The following DPH6 variants were observed in gnomAD, a reference collection of about 807,000 sequenced individuals.
DPH6 encodes the protein diphthine--ammonia ligase.
In DPH6, 33 loss-of-function variants were observed where a neutral mutation model predicts 38.2. That is an observed-to-expected ratio of 0.86 (90% CI 0.65 to 1.15). The LOEUF is 1.15. DPH6 is among the 50% of genes most tolerant of loss of function. The pLI, the probability that DPH6 is intolerant of heterozygous loss-of-function variation, is 0.00. For missense variants in DPH6, 325 were observed against 320.0 expected, an observed-to-expected ratio of 1.02 and a Z score of -0.12; for synonymous variants, 108 against 103.0, an observed-to-expected ratio of 1.05 and a Z score of -0.30.
At chr15:35,207,267 CG>C in the DPH6 span, among the ~76,000 whole-genome samples, 1 of 151,504 alleles carries the variant, frequency 6.6e-6, no homozygotes, top group Non-Finnish European at 1.5e-5. Flanking sequence ...GGGCTGGTCC[CG>C]AACTCCTGGG....
intron 3 of DPH6, among the ~76,000 whole-genome samples, chr15:35,504,680 T>A (rs887899216): frequency 6.6e-6 from 1 of 152,114 alleles, no homozygotes; most frequent in Non-Finnish European, 1.5e-5. Context: ...AAAATCAATA[T>A]GCCCTGGAAA....
chr15:35,153,878 A>G, the DPH6 span, among the ~76,000 whole-genome samples: 1 of 152,182 alleles, frequency 6.6e-6, no homozygotes, highest in Non-Finnish European at 1.5e-5. Flanking sequence ...GGAGTTTAAC[A>G]TTTGGGGTGA....
chr15:35,474,322 C>T (rs1450805480), intron 3 of DPH6, among the ~76,000 whole-genome samples: 1 of 152,016 alleles, frequency 6.6e-6, no homozygotes, highest in African/African-American at 2.4e-5. Flanking sequence ...ACTAGAGTCA[C>T]GAGGTTTCAA....
At chr15:35,300,583 GTATT>G (rs893654076) in intron 3 of DPH6, among the ~76,000 whole-genome samples, 10 of 152,202 alleles carry the variant, frequency 6.6e-5, no homozygotes, top group African/African-American at 2.4e-4. Flanking sequence ...AACTGGGTGA[GTATT>G]TATGCTGTTT....
intron 3 of DPH6, among the ~76,000 whole-genome samples, chr15:35,517,263 C>T (rs2141228609): frequency 6.6e-6 from 1 of 152,194 alleles, no homozygotes; most frequent in South Asian, 2.1e-4. Flanking sequence ...GAACAGTCTG[C>T]AGTGGCTGCT....
chr15:35,427,402 G>A (rs959441716), intron 5 of DPH6, among the ~76,000 whole-genome samples: 1 of 151,978 alleles, frequency 6.6e-6, no homozygotes, highest in African/African-American at 2.4e-5. Context: ...GATATGCAAT[G>A]TATTTGGAAA....
Position 35,245,273 on chromosome 15 carries a change from C to T in DPH6, n.201-24691G>A, listed in dbSNP as rs183916727. Among the ~76,000 whole-genome samples, 31 of 131,076 alleles carry T rather than the reference C, an allele frequency of 2.4e-4. No individual in the cohort carries two copies. In the East Asian group the frequency reaches 7.3e-3, roughly 31 times the overall value. The allele number at this position is 131,076 out of a possible 152,430, so 86.0% of individuals were successfully genotyped here. ...TTTTTTTTTGAGATGGAGTCTTGCA[C>T]TCTCGCCCAGGCTGGAGTGCAGTGG... On this transcript the variant is annotated intron_variant and non_coding_transcript_variant, in intron 3 of 3. Coordinates refer to the DPH6 transcript ENST00000560386.
chr15:35,222,034 CT>C (rs969391446), intron 3 of DPH6, among the ~76,000 whole-genome samples: 2 of 152,172 alleles, frequency 1.3e-5, no homozygotes, highest in Non-Finnish European at 2.9e-5. Flanking sequence ...GGCCTTAACT[CT>C]AGTTTCCAAT....
chr15:35,384,179 T>A (rs909886094), intron 6 of DPH6, among the ~76,000 whole-genome samples: 2 of 152,224 alleles, frequency 1.3e-5, no homozygotes, highest in South Asian at 4.1e-4. Flanking sequence ...TCATTCCAAA[T>A]GCAATTTTTG....
At chr15:35,325,485 C>T (rs1379710315) in intron 3 of DPH6, among the ~76,000 whole-genome samples, 1 of 152,082 alleles carries the variant, frequency 6.6e-6, no homozygotes, top group Non-Finnish European at 1.5e-5. Flanking sequence ...AAGAATTATC[C>T]TTTACATCCA....
At chr15:35,452,773 G>A (rs1318148424) in intron 4 of DPH6, among the ~76,000 whole-genome samples, 1 of 152,182 alleles carries the variant, frequency 6.6e-6, no homozygotes, top group Non-Finnish European at 1.5e-5. Context: ...AATGTAAAGT[G>A]TTTAATAGAT....
intron 3 of DPH6, among the ~76,000 whole-genome samples, chr15:35,272,072 G>A (rs2051825644): frequency 6.6e-6 from 1 of 152,064 alleles, no homozygotes; most frequent in Non-Finnish European, 1.5e-5. Context: ...CATGGATTCT[G>A]CTTCTGTGGA....
chr15:35,352,221 CTTTT>C (rs558352315), intron 3 of DPH6, among the ~76,000 whole-genome samples: 1 of 150,968 alleles, frequency 6.6e-6, no homozygotes, highest in African/African-American at 2.4e-5. Context: ...TATTGCTTAG[CTTTT>C]TTTTTGTTTC....
intron 5 of DPH6, among the ~76,000 whole-genome samples, chr15:35,433,021 A>G (rs1397934364): frequency 6.6e-6 from 1 of 152,204 alleles, no homozygotes; most frequent in Non-Finnish European, 1.5e-5. Flanking sequence ...AACCTAAAAT[A>G]AAAGTTGAAA....
At chr15:35,206,508 C>T in the DPH6 span, among the ~76,000 whole-genome samples, 40 of 152,294 alleles carry the variant, frequency 2.6e-4, no homozygotes, top group Middle Eastern at 3.4e-3. Context: ...GCTGTGGAAT[C>T]TTTGCTTCTG....
intron 3 of DPH6, among the ~76,000 whole-genome samples, chr15:35,252,914 T>C (rs1411830750): frequency 2.6e-5 from 4 of 152,240 alleles, no homozygotes; most frequent in African/African-American, 7.2e-5. Flanking sequence ...TTGAGAAATA[T>C]ACATTAGAGT....
chr15:35,244,396 G>T (rs1161895335), intron 3 of DPH6, among the ~76,000 whole-genome samples: 2 of 152,168 alleles, frequency 1.3e-5, no homozygotes, highest in Admixed American at 1.3e-4. Context: ...CTTCCTGAAT[G>T]ATTGATTGGT....
At chr15:35,232,258 T>A (rs2051523043) in intron 3 of DPH6, among the ~76,000 whole-genome samples, 1 of 152,168 alleles carries the variant, frequency 6.6e-6, no homozygotes, top group East Asian at 1.9e-4. Context: ...TTGTGATCAC[T>A]AATAATTGAC....
chr15:35,523,918 C>G (rs889583061), intron 3 of DPH6, among the ~76,000 whole-genome samples: 16 of 152,056 alleles, frequency 1.1e-4, no homozygotes, highest in Non-Finnish European at 2.4e-4. Flanking sequence ...TTGCCAATAC[C>G]CAAATTACTA....
Sources: gnomAD v4.1 joint callset for allele counts (sites outside exome capture counted in the v4.1 genomes callset) on GRCh38, gnomAD v4.1.1 for gene constraint, MANE v1.5 for transcripts, NCBI Gene and HGNC (gene_info 2026-07-23, HGNC 2026-07-21) for gene names.